Variants in CCDC171 observed in about 807,000 individuals in gnomAD.
The protein encoded by CCDC171 is coiled-coil domain-containing protein 171.
In CCDC171, 177 loss-of-function variants were observed where a neutral mutation model predicts 168.2. The observed-to-expected ratio is 1.05, with a 90% CI of 0.93 to 1.19. The LOEUF is 1.19. CCDC171 is among the 50% of genes most tolerant of loss of function. CCDC171 has a pLI of 0.00. For missense variants in CCDC171, 1,991 were observed against 1,539.0 expected, an observed-to-expected ratio of 1.29 and a Z score of -4.91; for synonymous variants, 687 against 540.8, an observed-to-expected ratio of 1.27 and a Z score of -3.75.
chr9:16,043,891 G>A (rs745886062), intron 1 of CCDC171, among the ~76,000 whole-genome samples: 11 of 152,194 alleles, frequency 7.2e-5, no homozygotes, highest in Non-Finnish European at 1.5e-4. Flanking sequence ...TCACAGATAC[G>A]TCCATTTGAG....
chr9:15,869,768 A>T (rs997342535), intron 23 of CCDC171, among the ~76,000 whole-genome samples: 1 of 151,814 alleles, frequency 6.6e-6, no homozygotes, highest in South Asian at 2.1e-4. Context: ...AAAATGTATC[A>T]GGAGACGGTA....
chr9:15,619,917 T>C (rs1339569595), intron 6 of CCDC171, among the ~76,000 whole-genome samples: 1 of 152,178 alleles, frequency 6.6e-6, no homozygotes, highest in African/African-American at 2.4e-5. Context: ...AGAATTATGC[T>C]ACATATACTC....
intron 24 of CCDC171, among the ~76,000 whole-genome samples, chr9:15,902,530 T>G (rs1403059730): frequency 1.3e-5 from 2 of 152,164 alleles, no homozygotes; most frequent in Admixed American, 6.5e-5. Context: ...ATTCTTGCAT[T>G]GCTATAAAGA....
At chr9:15,698,885 G>A (rs1588027584) in intron 11 of CCDC171, among the ~76,000 whole-genome samples, 1 of 152,270 alleles carries the variant, frequency 6.6e-6, no homozygotes, top group East Asian at 1.9e-4. Flanking sequence ...TCCATTGCTA[G>A]ACACTTAGGT....
chr9:15,857,364 T>A (rs2061384467), intron 23 of CCDC171, among the ~76,000 whole-genome samples: 1 of 152,010 alleles, frequency 6.6e-6, no homozygotes. Flanking sequence ...GTTGTAAGTC[T>A]TATGTTTAAG....
chr9:15,853,856 A>ATGTTG (rs532159773), intron 23 of CCDC171, among the ~76,000 whole-genome samples: 507 of 151,606 alleles, frequency 3.3e-3, no homozygotes, highest in African/African-American at 0.012. Flanking sequence ...TGAGATGATC[A>ATGTTG]TGTTGTGCCT....
intron 10 of CCDC171, among the ~76,000 whole-genome samples, chr9:15,688,606 G>T (rs2050574464): frequency 6.6e-6 from 1 of 152,170 alleles, no homozygotes; most frequent in African/African-American, 2.4e-5. Flanking sequence ...GAAGCCTAAT[G>T]ATTATCTCAA....
chr9:15,770,780 A>T (rs959908641), intron 18 of CCDC171, among the ~76,000 whole-genome samples: 1 of 152,158 alleles, frequency 6.6e-6, no homozygotes, highest in African/African-American at 2.4e-5. Context: ...ATTTCTGTGA[A>T]AATGCTTATA....
At chr9:15,584,846 G>T (rs1475377746) in intron 4 of CCDC171, among the ~76,000 whole-genome samples, 1 of 152,152 alleles carries the variant, frequency 6.6e-6, no homozygotes, top group Admixed American at 6.5e-5. Context: ...GAATTGGAAG[G>T]CACTAGATAT....
chr9:15,841,977 T>G (rs1441235900), intron 21 of CCDC171, among the ~76,000 whole-genome samples: 1 of 152,050 alleles, frequency 6.6e-6, no homozygotes, highest in Non-Finnish European at 1.5e-5. Flanking sequence ...TTTCAAACAT[T>G]AATTTTACTA....
chr9:15,650,042 A>T (rs2047382186), intron 7 of CCDC171, among the ~76,000 whole-genome samples: 1 of 152,204 alleles, frequency 6.6e-6, no homozygotes, highest in African/African-American at 2.4e-5. Context: ...AATGTGGCAG[A>T]TATACACCAT....
intron 3 of CCDC171, among the ~76,000 whole-genome samples, chr9:15,979,620 T>G (rs1243836126): frequency 6.6e-6 from 1 of 152,184 alleles, no homozygotes; most frequent in African/African-American, 2.4e-5. Context: ...AAACCAATCT[T>G]GCCTTCCTGG....
intron 18 of CCDC171, among the ~76,000 whole-genome samples, chr9:15,753,387 C>G (rs563016544): frequency 1.3e-5 from 2 of 152,066 alleles, no homozygotes; most frequent in Admixed American, 6.6e-5. Context: ...ATTGAAAATC[C>G]GTGCCTAGCA....
chr9:15,760,306 A>T (rs2056373977), intron 18 of CCDC171, among the ~76,000 whole-genome samples: 1 of 152,174 alleles, frequency 6.6e-6, no homozygotes, highest in Non-Finnish European at 1.5e-5. Flanking sequence ...AAGGTAAAAA[A>T]CATTCAGTCT....
At chr9:15,877,434 T>C (rs1014096266) in intron 24 of CCDC171, among the ~76,000 whole-genome samples, 3 of 152,146 alleles carry the variant, frequency 2.0e-5, no homozygotes, top group Non-Finnish European at 4.4e-5. Context: ...AAGATCTTTT[T>C]TTTTCTGTAT....
At chr9:15,659,319 T>G (rs1587795009) in intron 8 of CCDC171, among the ~76,000 whole-genome samples, 2 of 152,220 alleles carry the variant, frequency 1.3e-5, no homozygotes, top group East Asian at 3.8e-4. Context: ...CCTGCTACTT[T>G]CTTGATTTTA....
At chr9:15,947,793 G>C (rs973280744) in intron 25 of CCDC171, among the ~76,000 whole-genome samples, 1 of 151,416 alleles carries the variant, frequency 6.6e-6, no homozygotes, top group Non-Finnish European at 1.5e-5. Flanking sequence ...GGGCATACAA[G>C]TATGCTTCCA....
chr9:15,687,335 A>G (rs1374712881), intron 10 of CCDC171, among the ~76,000 whole-genome samples: 2 of 152,122 alleles, frequency 1.3e-5, no homozygotes, highest in Non-Finnish European at 2.9e-5. Context: ...CCATGCCTGT[A>G]GTTCCTAGCT....
At chr9:15,950,476 C>G (rs1420455565) in intron 25 of CCDC171, among the ~76,000 whole-genome samples, 1 of 152,026 alleles carries the variant, frequency 6.6e-6, no homozygotes, top group African/African-American at 2.4e-5. Flanking sequence ...ATTCAACATT[C>G]TGAAAGAAAA....
Sources: allele counts gnomAD v4.1 joint callset (sites outside exome capture counted in the v4.1 genomes callset), GRCh38; gene constraint gnomAD v4.1.1; transcripts MANE v1.5; gene names NCBI Gene and HGNC (gene_info 2026-07-23, HGNC 2026-07-21).